MAML3: variants seen among roughly 807,000 people sequenced by gnomAD.
MAML3 encodes mastermind-like protein 3.
Under a neutral mutation model 101.9 loss-of-function variants are expected in MAML3, and 27 were observed. The observed-to-expected ratio is 0.27, with a 90% CI of 0.20 to 0.37. The LOEUF is 0.37. Among genes scored for constraint, MAML3 ranks in the 10% least tolerant of loss-of-function variants. The pLI is 1.00. For missense variants in MAML3, 1,316 were observed against 1,444.9 expected, an observed-to-expected ratio of 0.91 and a Z score of 1.45; for synonymous variants, 501 against 555.9, an observed-to-expected ratio of 0.90 and a Z score of 1.39.
chr4:140,020,457 C>T (rs1166026707), intron 1 of MAML3, among the ~76,000 whole-genome samples: 1 of 151,302 alleles, frequency 6.6e-6, no homozygotes, highest in Admixed American at 6.6e-5. Context: ...CTGGTATTTG[C>T]TCATATTGAG....
intron 2 of MAML3, among the ~76,000 whole-genome samples, chr4:139,745,193 G>C (rs1289968921): frequency 1.3e-5 from 2 of 152,192 alleles, no homozygotes; most frequent in Non-Finnish European, 2.9e-5. Flanking sequence ...CAAAGTTGGG[G>C]TGTTTGCTGG....
In MAML3 at chr4:139,890,653, G is replaced by A; in HGVS notation, c.783C>T (p.Asp261=). The A allele has an allele frequency of 6.2e-7, 1 of 1,613,942 alleles. No homozygotes were observed. The highest frequency in any genetic ancestry group is 8.5e-7 in the Non-Finnish European group (1 of 1,179,840). The change falls in exon 2 of 5, where the codon GAC becomes GAT. Residue 261 remains aspartate, a synonymous_variant. Transcript: ENST00000509479. The surrounding 1 kb of genome is among the most constrained non-coding windows in gnomAD (Gnocchi z 4.1). ...EIKLPVNGCS[D]LEDSFTILQS... Reference sequence around the variant, plus strand: ...GCAAGATGGTGAAGCTATCCTCCAGGTCACTGCAACCGTTGACAGGAAGTT... The same window carrying A: ...GCAAGATGGTGAAGCTATCCTCCAGATCACTGCAACCGTTGACAGGAAGTT...
chr4:139,929,579 A>G (rs1392969896), intron 1 of MAML3, among the ~76,000 whole-genome samples: 2 of 152,180 alleles, frequency 1.3e-5, no homozygotes, highest in Non-Finnish European at 2.9e-5. Flanking sequence ...AACAGCTTAA[A>G]CTCAAATATA....
At chr4:139,812,917 T>A (rs1730829072) in intron 2 of MAML3, among the ~76,000 whole-genome samples, 1 of 119,942 alleles carries the variant, frequency 8.3e-6, no homozygotes, top group Admixed American at 8.8e-5. Context: ...AGAGAGAAAG[T>A]AGAAAATAAA....
At chr4:139,990,269 T>C (rs372383239) in intron 1 of MAML3, among the ~76,000 whole-genome samples, 1 of 150,628 alleles carries the variant, frequency 6.6e-6, no homozygotes, top group Non-Finnish European at 1.5e-5. Flanking sequence ...TAAATGTAAT[T>C]CAGCATATAA....
Position 140,022,338 on chromosome 4 carries a change from C to T in MAML3, c.468+130522G>A, listed in dbSNP as rs142638434. Among the ~76,000 whole-genome samples, 669 of 152,158 alleles carry T rather than the reference C, an allele frequency of 4.4e-3. 6 individuals are homozygous for T. The highest frequency in any genetic ancestry group is 0.015 in the African/African-American group (631 of 41,516). On this transcript the variant is annotated intron_variant, in intron 1 of 4. Coordinates refer to ENST00000509479, the MANE Select transcript of MAML3 (RefSeq NM_018717.5). ...TACCCCCAAAAAACTATTGGAACAG[C>T]CTGTTCATAAATTGAAGACTTCCTT...
intron 1 of MAML3, among the ~76,000 whole-genome samples, chr4:139,901,990 C>G (rs916777262): frequency 6.6e-6 from 1 of 152,204 alleles, no homozygotes; most frequent in African/African-American, 2.4e-5. Flanking sequence ...GTGCCCAGAC[C>G]TGAGACTGCT....
intron 1 of MAML3, 70 bp from the exon 2 acceptor site, chr4:139,891,037 T>G: frequency 6.7e-7 from 1 of 1,497,484 alleles, no homozygotes; most frequent in Non-Finnish European, 8.9e-7. Context: ...GATTGAGATG[T>G]GCATTGCGAT....
chr4:139,936,478 C>A (rs1733508230), intron 1 of MAML3, among the ~76,000 whole-genome samples: 1 of 152,162 alleles, frequency 6.6e-6, no homozygotes, highest in Admixed American at 6.5e-5. Context: ...TACTGTTCTT[C>A]ATAATAGCTG....
intron 2 of MAML3, among the ~76,000 whole-genome samples, chr4:139,887,116 C>T (rs796256108): frequency 3.4e-4 from 51 of 152,228 alleles, no homozygotes; most frequent in African/African-American, 1.1e-3. Context: ...AATTCGTGCT[C>T]GTATTTGTGG....
chr4:139,833,147 G>GC (rs1264561307), intron 2 of MAML3, among the ~76,000 whole-genome samples: 10 of 152,324 alleles, frequency 6.6e-5, no homozygotes, highest in Admixed American at 6.5e-4. Flanking sequence ...CAGCAGAAGT[G>GC]AGCCAACCAG....
At chr4:139,871,049 C>T (rs1374776730) in intron 2 of MAML3, among the ~76,000 whole-genome samples, 1 of 152,150 alleles carries the variant, frequency 6.6e-6, no homozygotes, top group African/African-American at 2.4e-5. Flanking sequence ...TGCAGTCACA[C>T]AATACACACA....
At chr4:139,943,863 A>ACTTTTTTTTTTTTTTT (rs1733652406) in intron 1 of MAML3, among the ~76,000 whole-genome samples, 1 of 75,612 alleles carries the variant, frequency 1.3e-5, no homozygotes, top group Non-Finnish European at 2.6e-5. Flanking sequence ...CCTAAAGACA[A>ACTTTTTTTTTTTTTTT]CTTTTTTTTT....
intron 4 of MAML3, among the ~76,000 whole-genome samples, chr4:139,721,391 GAGA>G (rs1431035905): frequency 6.6e-6 from 1 of 152,182 alleles, no homozygotes; most frequent in Non-Finnish European, 1.5e-5. Context: ...TTGAGTCTAT[GAGA>G]AGAAGAAAAA....
chr4:139,888,954 T>G (rs1388265797), intron 2 of MAML3, among the ~76,000 whole-genome samples: 1 of 152,178 alleles, frequency 6.6e-6, no homozygotes, highest in Non-Finnish European at 1.5e-5. Flanking sequence ...ATAAAACTGT[T>G]GTAGACAGCC....
At chr4:139,874,928 C>T (rs907597732) in intron 2 of MAML3, among the ~76,000 whole-genome samples, 12 of 151,816 alleles carry the variant, frequency 7.9e-5, no homozygotes, top group South Asian at 2.1e-4. Context: ...CACAGCCTCC[C>T]GAGTAGCTGG....
At chr4:140,087,897 G>A (rs1727983798) in intron 1 of MAML3, among the ~76,000 whole-genome samples, 1 of 152,124 alleles carries the variant, frequency 6.6e-6, no homozygotes, top group South Asian at 2.1e-4. Flanking sequence ...TCAGGAAAAT[G>A]AGATTATATT....
intron 1 of MAML3, among the ~76,000 whole-genome samples, chr4:140,028,394 G>A (rs1437009402): frequency 6.6e-6 from 1 of 152,130 alleles, no homozygotes; most frequent in Non-Finnish European, 1.5e-5. Context: ...AACTGGATAT[G>A]CAGTCTTTAC....
At position 139,719,840 on chromosome 4, in the gene MAML3, C is replaced by T; in HGVS notation, c.2900G>A (p.Ser967Asn). 6.2e-7 allele frequency: 1 copy of T among 1,613,690 alleles called. No individual in the cohort carries two copies. The highest frequency in any genetic ancestry group is 1.7e-5 in the Admixed American group (1 of 60,028). ...QQGAQSWQQR[S>N]LQGMPGRTSG... is the part of the protein sequence containing the mutation. Reference sequence around the variant, plus strand: ...AGTCCTCCCAGGCATGCCCTGCAAGCTCCTCTGTTGCCAGCTTTGTGCTCC... The same window carrying T: ...AGTCCTCCCAGGCATGCCCTGCAAGTTCCTCTGTTGCCAGCTTTGTGCTCC... The change falls in exon 5 of 5, where the codon AGC becomes AAC. Residue 967 changes from serine (S) to asparagine (N), a missense_variant. Physicochemically the swap from Ser to Asn is conservative, Grantham distance 46. Transcript: ENST00000509479.
Sources: allele counts gnomAD v4.1 joint callset (sites outside exome capture counted in the v4.1 genomes callset), GRCh38; gene constraint gnomAD v4.1.1; non-coding constraint Gnocchi (gnomAD v3.1); transcripts MANE v1.5; gene names NCBI Gene and HGNC (gene_info 2026-07-23, HGNC 2026-07-21).